Variants in NBAS observed in about 807,000 individuals in gnomAD.
The protein encoded by NBAS is NBAS subunit of NRZ tethering complex.
Under a neutral mutation model 302.5 loss-of-function variants are expected in NBAS, and 219 were observed. The observed-to-expected ratio is 0.72, with a 90% CI of 0.65 to 0.81. NBAS has a LOEUF of 0.81. NBAS is among the 30% of genes least tolerant of loss of function. The pLI, the probability that NBAS is intolerant of heterozygous loss-of-function variation, is 0.00. For synonymous variants in NBAS, 1,118 were observed against 1,021.6 expected (o/e 1.09, Z -1.80); for missense variants, 2,932 against 2,841.6 (o/e 1.03, Z -0.72).
the NBAS span, among the ~76,000 whole-genome samples, chr2:15,156,191 C>T: frequency 2.6e-5 from 4 of 152,198 alleles, no homozygotes; most frequent in South Asian, 8.3e-4. Flanking sequence ...CTGACAAAGA[C>T]GGCATTGTTT....
chr2:15,338,299 T>A (rs930016340), intron 35 of NBAS, among the ~76,000 whole-genome samples: 3 of 152,122 alleles, frequency 2.0e-5, no homozygotes, highest in Non-Finnish European at 4.4e-5. Context: ...TACAAATAGT[T>A]TAGGTTGAGC....
chr2:14,848,232 G>C, the NBAS span, among the ~76,000 whole-genome samples: 5 of 151,162 alleles, frequency 3.3e-5, no homozygotes, highest in African/African-American at 1.2e-4. Flanking sequence ...CACCATGCGA[G>C]AGCCGAAGCA....
At chr2:15,381,555 G>A (rs1036638387) in intron 29 of NBAS, among the ~76,000 whole-genome samples, 1 of 152,172 alleles carries the variant, frequency 6.6e-6, no homozygotes, top group African/African-American at 2.4e-5. Flanking sequence ...TAACTCAAAT[G>A]TAATATACTT....
At chr2:15,195,961 G>T (rs750145789) in intron 48 of NBAS, among the ~76,000 whole-genome samples, 1 of 152,222 alleles carries the variant, frequency 6.6e-6, no homozygotes, top group Non-Finnish European at 1.5e-5. Context: ...TCAAAGGAGA[G>T]GAGACACAAA....
chr2:15,504,175 G>A lies in NBAS; in HGVS notation c.924C>T (p.Val308=), dbSNP rs774810902. The change falls in exon 11 of 52, where the codon GTC becomes GTT. Residue 308 remains valine (V), a synonymous_variant. Coordinates refer to ENST00000281513, the MANE Select transcript of NBAS (RefSeq NM_015909.4). ...CTTGTCCCTGGCGACTGTAAAACTTGACACTTAACATCCTTAATAATCCCA... is the reference window on the plus strand; with the variant it reads ...CTTGTCCCTGGCGACTGTAAAACTTAACACTTAACATCCTTAATAATCCCA... ...KTLGLLRMLS[V]KFYSRQGQEQ... 107 of 1,613,422 alleles carry A rather than the reference G, an allele frequency of 6.6e-5. No homozygotes were observed. The highest frequency in any genetic ancestry group is 8.8e-5 in the Non-Finnish European group (104 of 1,179,582).
chr2:15,043,087 C>G, the NBAS span, among the ~76,000 whole-genome samples: 2 of 152,174 alleles, frequency 1.3e-5, no homozygotes, highest in African/African-American at 4.8e-5. Flanking sequence ...ATAATAATAA[C>G]AAATCCTACT....
chr2:15,365,609 C>G (rs1405390615), intron 32 of NBAS, among the ~76,000 whole-genome samples: 2 of 152,198 alleles, frequency 1.3e-5, no homozygotes, highest in Non-Finnish European at 2.9e-5. Flanking sequence ...TGGCCCCAGT[C>G]ACACTGCCAT....
chr2:15,431,699 T>C (rs1258305092), intron 21 of NBAS, among the ~76,000 whole-genome samples: 1 of 152,154 alleles, frequency 6.6e-6, no homozygotes, highest in Non-Finnish European at 1.5e-5. Context: ...GAGGTATGCT[T>C]ATACAGAATC....
At chr2:15,068,479 C>T in the NBAS span, among the ~76,000 whole-genome samples, 4 of 152,196 alleles carry the variant, frequency 2.6e-5, no homozygotes, top group Non-Finnish European at 5.9e-5. Context: ...GGATGAGAGG[C>T]AAAAGCAATG....
At chr2:15,412,837 C>A (rs1349927289) in intron 25 of NBAS, among the ~76,000 whole-genome samples, 1 of 151,176 alleles carries the variant, frequency 6.6e-6, no homozygotes, top group South Asian at 2.1e-4. Context: ...AAAAAATTTT[C>A]CAAACCACCG....
intron 35 of NBAS, among the ~76,000 whole-genome samples, chr2:15,345,968 A>G (rs938136920): frequency 6.6e-6 from 1 of 152,180 alleles, no homozygotes; most frequent in Non-Finnish European, 1.5e-5. Flanking sequence ...GAAAACTGAA[A>G]CTGAACCCCT....
At chr2:15,280,035 T>G (rs563631116) in intron 42 of NBAS, among the ~76,000 whole-genome samples, 15 of 152,320 alleles carry the variant, frequency 9.8e-5, no homozygotes, top group African/African-American at 3.6e-4. Context: ...CAAGTTTTAG[T>G]TATAAAGCAG....
At chr2:14,867,761 G>A in the NBAS span, among the ~76,000 whole-genome samples, 1 of 152,168 alleles carries the variant, frequency 6.6e-6, no homozygotes, top group Non-Finnish European at 1.5e-5. Context: ...CTATTGTAAA[G>A]AAAGGACCAT....
rs746464913 is a variant in NBAS at position 15,402,302 on chromosome 2, C to G, written c.2938-1G>C. ...GATCAGGAATAATTTTTTGCTGCAG[C>G]TACAGAAAATAAAGTATGTTGTACT... On this transcript the variant is annotated splice_acceptor_variant, in intron 25 of 51. Transcript: ENST00000281513. LOFTEE classifies it high-confidence loss of function. 1 of 1,613,242 alleles carries G rather than the reference C, an allele frequency of 6.2e-7. No homozygotes were observed. The highest frequency in any genetic ancestry group is 8.5e-7 in the Non-Finnish European group (1 of 1,179,514).
intron 11 of NBAS, among the ~76,000 whole-genome samples, chr2:15,500,434 A>C (rs1434959678): frequency 1.3e-5 from 2 of 151,730 alleles, no homozygotes; most frequent in Non-Finnish European, 2.9e-5. Flanking sequence ...AGCGTTGAAC[A>C]AAACAAACAT....
chr2:15,461,919 C>T (rs1679522905), intron 19 of NBAS, 128 bp from the exon 20 acceptor site: 2 of 638,808 alleles, frequency 3.1e-6, no homozygotes, highest in East Asian at 2.8e-5. Context: ...TAATTTCAAC[C>T]ATCAATTGTT....
At chr2:15,178,169 T>C (rs1344321905) in intron 51 of NBAS, 6 of 470,236 alleles carry the variant, frequency 1.3e-5, no homozygotes, top group Non-Finnish European at 2.2e-5. Context: ...TGCCACATTT[T>C]TGTTTAAAAA....
the NBAS span, among the ~76,000 whole-genome samples, chr2:15,144,046 A>ATATATATATATATATTATCCTATATAT: frequency 1.6e-4 from 17 of 104,544 alleles, 2 homozygotes; most frequent in East Asian, 1.3e-3. Context: ...CCTATATATA[A>ATATATATATATATATTATCCTATATAT]AAATATATAT....
chr2:15,045,561 T>C, the NBAS span, among the ~76,000 whole-genome samples: 1 of 152,214 alleles, frequency 6.6e-6, no homozygotes, highest in East Asian at 1.9e-4. Flanking sequence ...TACATATATA[T>C]ACATCCAGTC....
Sources: allele counts gnomAD v4.1 joint callset (sites outside exome capture counted in the v4.1 genomes callset), GRCh38; gene constraint gnomAD v4.1.1; transcripts MANE v1.5; gene names NCBI Gene and HGNC (gene_info 2026-07-23, HGNC 2026-07-21).